The following CADPS2 variants were observed in gnomAD, a reference collection of about 807,000 sequenced individuals.
The protein encoded by CADPS2 is calcium-dependent secretion activator 2.
Under a neutral mutation model 172.5 loss-of-function variants are expected in CADPS2, and 93 were observed. That is an observed-to-expected ratio of 0.54 (90% confidence interval 0.46 to 0.64). The LOEUF is 0.64. Among genes scored for constraint, CADPS2 ranks in the 30% least tolerant of loss-of-function variants. CADPS2 has a pLI of 0.00. For synonymous variants in CADPS2, 546 were observed against 555.2 expected, an observed-to-expected ratio of 0.98 and a Z score of 0.23; for missense variants, 1,420 against 1,565.9, an observed-to-expected ratio of 0.91 and a Z score of 1.57.
At chr7:122,810,339 C>T (rs990726367) in intron 1 of CADPS2, among the ~76,000 whole-genome samples, 1 of 152,116 alleles carries the variant, frequency 6.6e-6, no homozygotes, top group Admixed American at 6.5e-5. Flanking sequence ...TTAGTGCACA[C>T]AGAATTTGTC....
chr7:122,629,805 T>C (rs769484206), intron 3 of CADPS2, among the ~76,000 whole-genome samples: 2 of 152,156 alleles, frequency 1.3e-5, no homozygotes, highest in Non-Finnish European at 2.9e-5. Flanking sequence ...AGTCTTCATA[T>C]ACTCCTCATT....
At chr7:122,331,417 C>T (rs558076439) in intron 28 of CADPS2, among the ~76,000 whole-genome samples, 1 of 152,160 alleles carries the variant, frequency 6.6e-6, no homozygotes, top group Non-Finnish European at 1.5e-5. Context: ...GTGGGTGGAT[C>T]ACTTGAGGCC....
At chr7:122,547,062 C>G (rs1330145036) in intron 8 of CADPS2, among the ~76,000 whole-genome samples, 1 of 146,036 alleles carries the variant, frequency 6.8e-6, no homozygotes, top group Non-Finnish European at 1.5e-5. Context: ...GAACGAAGCT[C>G]AAATCTAGGG....
chr7:122,610,259 C>T (rs2074127032), intron 6 of CADPS2, among the ~76,000 whole-genome samples: 1 of 151,730 alleles, frequency 6.6e-6, no homozygotes, highest in South Asian at 2.1e-4. Flanking sequence ...TATCAGAAGC[C>T]CTTTCAAATA....
chr7:122,450,811 A>G (rs2052991860), intron 15 of CADPS2, among the ~76,000 whole-genome samples: 1 of 152,106 alleles, frequency 6.6e-6, no homozygotes, highest in African/African-American at 2.4e-5. Flanking sequence ...TTGGGATTAC[A>G]GGCATGAGAC....
chr7:122,395,806 T>G (rs1385821359), intron 20 of CADPS2, among the ~76,000 whole-genome samples: 1 of 151,080 alleles, frequency 6.6e-6, no homozygotes, highest in Non-Finnish European at 1.5e-5. Context: ...GGAGGATTTT[T>G]TTTTTCTTTT....
chr7:122,398,886 A>G (rs974464724), intron 20 of CADPS2, among the ~76,000 whole-genome samples: 2 of 152,162 alleles, frequency 1.3e-5, no homozygotes, highest in East Asian at 3.9e-4. Flanking sequence ...ATAAATATCA[A>G]TAAAAATCTA....
chr7:122,429,990 C>G (rs1391197406), intron 17 of CADPS2, among the ~76,000 whole-genome samples: 1 of 151,844 alleles, frequency 6.6e-6, no homozygotes, highest in Non-Finnish European at 1.5e-5. Flanking sequence ...AATTAAAACA[C>G]CACCCAGATG....
intron 1 of CADPS2, among the ~76,000 whole-genome samples, chr7:122,869,850 G>C (rs1417111999): frequency 1.3e-5 from 2 of 152,166 alleles, no homozygotes; most frequent in African/African-American, 2.4e-5. Context: ...TAAAAGTATA[G>C]AGTTTGTGCA....
intron 8 of CADPS2, among the ~76,000 whole-genome samples, chr7:122,541,632 C>A (rs1235560007): frequency 7.1e-6 from 1 of 140,772 alleles, no homozygotes; most frequent in African/African-American, 2.6e-5. Flanking sequence ...TATATATTTT[C>A]ATATATTCAT....
chr7:122,349,752 A>C (rs1489115842), intron 27 of CADPS2, among the ~76,000 whole-genome samples: 1 of 152,008 alleles, frequency 6.6e-6, no homozygotes, highest in Non-Finnish European at 1.5e-5. Context: ...CACGCTGTTT[A>C]AAGAGAAAAA....
chr7:122,721,453 T>C (rs2090386875), intron 2 of CADPS2, among the ~76,000 whole-genome samples: 1 of 152,086 alleles, frequency 6.6e-6, no homozygotes, highest in Non-Finnish European at 1.5e-5. Flanking sequence ...AATGGATAAA[T>C]TCCTCAACAC....
intron 3 of CADPS2, among the ~76,000 whole-genome samples, chr7:122,636,849 A>G (rs1364405595): frequency 6.6e-6 from 1 of 152,074 alleles, no homozygotes; most frequent in East Asian, 1.9e-4. Flanking sequence ...CTTGTATACT[A>G]TCTTGCCAGA....
rs187095788 is a variant in CADPS2, at chr7:122,371,073, G to A, written c.3387+8295C>T. Among the ~76,000 whole-genome samples the A allele has an allele frequency of 9.5e-4, 145 of 152,192 alleles. 1 individual carries two copies. Among genetic ancestry groups the A allele is most frequent in the African/African-American group, 3.3e-3 (138 of 41,536 alleles). Reference sequence around the variant, plus strand: ...CAAGGAATACAGTGTTCCCCAAATGGGTTAGTAACCTCATCTCATGGGACA... The same window carrying A: ...CAAGGAATACAGTGTTCCCCAAATGAGTTAGTAACCTCATCTCATGGGACA... On this transcript the variant is annotated intron_variant, in intron 25 of 29. Coordinates refer to ENST00000449022, the MANE Select transcript of CADPS2 (RefSeq NM_017954.11).
intron 29 of CADPS2, among the ~76,000 whole-genome samples, chr7:122,323,694 T>C (rs1359981656): frequency 6.6e-6 from 1 of 151,720 alleles, no homozygotes; most frequent in Non-Finnish European, 1.5e-5. Context: ...AGCTTAATAA[T>C]CTATCAGCTA....
chr7:122,477,448 G>A (rs1282415499), intron 12 of CADPS2, among the ~76,000 whole-genome samples: 1 of 151,600 alleles, frequency 6.6e-6, no homozygotes, highest in Non-Finnish European at 1.5e-5. Context: ...CCCAGGAGGC[G>A]AAGGTTGCAG....
At chr7:122,721,383 A>G (rs181553440) in intron 2 of CADPS2, among the ~76,000 whole-genome samples, 153 of 152,280 alleles carry the variant, frequency 1.0e-3, no homozygotes, top group African/African-American at 3.1e-3. Flanking sequence ...CAGAAATACA[A>G]ACTACCATCA....
chr7:122,578,753 T>G (rs1224740557), intron 7 of CADPS2, among the ~76,000 whole-genome samples: 1 of 152,160 alleles, frequency 6.6e-6, no homozygotes. Flanking sequence ...GACTGAGGTA[T>G]GAAGGTCAAA....
At chr7:122,362,177 C>G (rs1315995549) in intron 25 of CADPS2, among the ~76,000 whole-genome samples, 1 of 152,176 alleles carries the variant, frequency 6.6e-6, no homozygotes, top group Non-Finnish European at 1.5e-5. Context: ...GTAACTATGA[C>G]ACAATGGCTG....
Sources: gnomAD v4.1 joint callset for allele counts (sites outside exome capture counted in the v4.1 genomes callset) on GRCh38, gnomAD v4.1.1 for gene constraint, MANE v1.5 for transcripts, NCBI Gene and HGNC (gene_info 2026-07-23, HGNC 2026-07-21) for gene names.